PALLD: variants seen among roughly 807,000 people sequenced by gnomAD.
PALLD encodes palladin.
Under a neutral mutation model 123.5 loss-of-function variants are expected in PALLD, and 61 were observed. The observed-to-expected ratio is 0.49, with a 90% CI of 0.40 to 0.61. The LOEUF (loss-of-function observed/expected upper bound fraction) is 0.61, where lower values mean the gene tolerates loss of function less well. Among genes scored for constraint, PALLD ranks in the 20% least tolerant of loss-of-function variants. The pLI, the probability that PALLD is intolerant of heterozygous loss-of-function variation, is 0.00. For missense variants in PALLD, 1,273 were observed against 1,377.0 expected (o/e 0.92, Z 1.20); for synonymous variants, 465 against 496.4 (o/e 0.94, Z 0.84).
chr4:168,711,978 G>C, intron 10 of PALLD, 55 bp downstream of exon 10: 1 of 1,502,894 alleles, frequency 6.7e-7, no homozygotes, highest in Non-Finnish European at 9.2e-7. Flanking sequence ...TACATTTCCT[G>C]TCTGGTGAGA....
intron 2 of PALLD, among the ~76,000 whole-genome samples, chr4:168,663,853 T>TA (rs908070989): frequency 4.9e-4 from 75 of 152,076 alleles, no homozygotes; most frequent in Non-Finnish European, 1.0e-3. Context: ...CTTGATTGTT[T>TA]AAAAAAAATG....
intron 10 of PALLD, among the ~76,000 whole-genome samples, chr4:168,887,551 T>C (rs750246728): frequency 1.1e-4 from 17 of 152,220 alleles, no homozygotes; most frequent in Non-Finnish European, 2.2e-4. Flanking sequence ...CATCAGCACA[T>C]AGTTGTTCTA....
intron 10 of PALLD, among the ~76,000 whole-genome samples, chr4:168,718,908 A>ATT (rs55772255): frequency 0.03 from 4,256 of 140,212 alleles, 221 homozygotes; most frequent in African/African-American, 0.097. Flanking sequence ...TGCCAATCTA[A>ATT]TTTTTTTTTT....
chr4:168,907,326 C>T (rs1320924575), intron 15 of PALLD, among the ~76,000 whole-genome samples: 1 of 152,192 alleles, frequency 6.6e-6, no homozygotes, highest in African/African-American at 2.4e-5. Flanking sequence ...CTAGGTACTC[C>T]GTTCCCACAG....
intron 3 of PALLD, among the ~76,000 whole-genome samples, chr4:168,679,920 G>C (rs1781374123): frequency 6.6e-6 from 1 of 152,144 alleles, no homozygotes; most frequent in African/African-American, 2.4e-5. Flanking sequence ...CTGGATGGTA[G>C]ACACAGAAAT....
chr4:168,907,772 T>C (rs1181724595), intron 15 of PALLD, among the ~76,000 whole-genome samples: 3 of 151,980 alleles, frequency 2.0e-5, no homozygotes, highest in Admixed American at 6.6e-5. Context: ...GCCCTCCTAA[T>C]AGAATATCCT....
At chr4:168,826,574 T>C (rs1366516902) in intron 10 of PALLD, among the ~76,000 whole-genome samples, 6 of 152,226 alleles carry the variant, frequency 3.9e-5, no homozygotes, top group African/African-American at 7.2e-5. Flanking sequence ...TGTGACATGA[T>C]TGGCATAATG....
chr4:168,629,704 G>T (rs62333861), intron 2 of PALLD, among the ~76,000 whole-genome samples: 1 of 151,088 alleles, frequency 6.6e-6, no homozygotes, highest in South Asian at 2.1e-4. Context: ...ACCCCAAAAC[G>T]CCACAAACCG....
intron 8 of PALLD, among the ~76,000 whole-genome samples, chr4:168,691,619 A>C (rs1782639346): frequency 6.6e-6 from 1 of 152,152 alleles, no homozygotes; most frequent in Non-Finnish European, 1.5e-5. Flanking sequence ...TCCTCCTAAA[A>C]TTCCAGTAGA....
intron 10 of PALLD, among the ~76,000 whole-genome samples, chr4:168,745,937 G>A: frequency 6.6e-6 from 1 of 152,070 alleles, no homozygotes; most frequent in East Asian, 1.9e-4. Flanking sequence ...AAATGCATCT[G>A]CTACATGTAC....
intron 2 of PALLD, among the ~76,000 whole-genome samples, chr4:168,573,428 T>C (rs1769200081): frequency 6.6e-6 from 1 of 152,150 alleles, no homozygotes; most frequent in Non-Finnish European, 1.5e-5. Flanking sequence ...TGAGTTTGTC[T>C]GTCTTTCCCA....
intron 10 of PALLD, among the ~76,000 whole-genome samples, chr4:168,728,270 G>T (rs978386276): frequency 2.6e-5 from 4 of 152,138 alleles, no homozygotes; most frequent in Admixed American, 6.5e-5. Flanking sequence ...GACAGGAATA[G>T]CATTGAATCT....
intron 10 of PALLD, among the ~76,000 whole-genome samples, chr4:168,797,942 A>AT (rs1214776503): frequency 6.6e-6 from 1 of 150,872 alleles, no homozygotes; most frequent in African/African-American, 2.5e-5. Context: ...TTCTGATCCT[A>AT]ATCTGGCTAT....
intron 10 of PALLD, among the ~76,000 whole-genome samples, chr4:168,755,083 A>T (rs1465109434): frequency 6.6e-6 from 1 of 152,088 alleles, no homozygotes; most frequent in Non-Finnish European, 1.5e-5. Flanking sequence ...ATACAAAAAA[A>T]TTAGCCAGGC....
chr4:168,749,491 A>G (rs1173025386), intron 10 of PALLD, among the ~76,000 whole-genome samples: 1 of 152,084 alleles, frequency 6.6e-6, no homozygotes, highest in Non-Finnish European at 1.5e-5. Context: ...TGGATCACCT[A>G]AGGCCAGAAG....
chr4:168,665,972 C>A (rs6822472), intron 2 of PALLD, among the ~76,000 whole-genome samples: 55 of 130,106 alleles, frequency 4.2e-4, no homozygotes, highest in African/African-American at 2.0e-3. Flanking sequence ...GTTCCCCGCC[C>A]CCCACCAAAA....
chr4:168,848,958 G>A (rs1306672961), intron 10 of PALLD, among the ~76,000 whole-genome samples: 1 of 152,168 alleles, frequency 6.6e-6, no homozygotes, highest in Non-Finnish European at 1.5e-5. Flanking sequence ...ACTAACTACA[G>A]TCAGTAAAGA....
chr4:168,499,905 C>A (rs1344814216), intron 1 of PALLD, among the ~76,000 whole-genome samples: 4 of 151,832 alleles, frequency 2.6e-5, no homozygotes, highest in Admixed American at 2.0e-4. Context: ...TTCATCGACT[C>A]AAAGTATTTC....
rs1290502220 is a variant in PALLD, at chr4:168,678,973, G to A, written c.1088-2359G>A. On this transcript the variant is annotated intron_variant, in intron 3 of 21. Transcript: ENST00000505667. ...GTGTGTGTGTGGGTGTGATGTGTGT[G>A]GTGTGGGTACGGTGTGTGCGTGGTG... Among the ~76,000 whole-genome samples the A allele has an allele frequency of 2.7e-5, 4 of 146,404 alleles. No individual in the cohort carries two copies. In the East Asian group the frequency reaches 6.2e-4, roughly 23 times the overall value.
Sources: allele counts gnomAD v4.1 joint callset (sites outside exome capture counted in the v4.1 genomes callset), GRCh38; gene constraint gnomAD v4.1.1; transcripts MANE v1.5; gene names NCBI Gene and HGNC (gene_info 2026-07-23, HGNC 2026-07-21).